The following KLHL22 variants were observed in gnomAD, a reference collection of about 807,000 sequenced individuals.
The protein encoded by KLHL22 is kelch like family member 22, also known as kelch-like protein 22.
A neutral mutation model predicts 60.7 loss-of-function variants in KLHL22; 18 were observed. That is an observed-to-expected ratio of 0.30 (90% CI 0.20 to 0.44). The LOEUF is 0.44. KLHL22 is among the 20% of genes least tolerant of loss of function. KLHL22 has a pLI of 1.00. For missense variants in KLHL22, 596 were observed against 852.3 expected, an observed-to-expected ratio of 0.70 and a Z score of 3.74; for synonymous variants, 355 against 354.5, an observed-to-expected ratio of 1.00 and a Z score of -0.01.
At chr22:20,472,212 A>G (rs1202217695) in intron 2 of KLHL22, among the ~76,000 whole-genome samples, 1 of 152,196 alleles carries the variant, frequency 6.6e-6, no homozygotes, top group African/African-American at 2.4e-5. Context: ...GCACCACTGC[A>G]CTCCAGCCTG....
intron 2 of KLHL22, among the ~76,000 whole-genome samples, chr22:20,479,593 G>T (rs1466283788): frequency 1.3e-5 from 2 of 152,060 alleles, no homozygotes. Context: ...TATAGTCCCA[G>T]CTACTTGGGA....
chr22:20,459,208 G>A (rs1180812731), intron 4 of KLHL22, among the ~76,000 whole-genome samples: 1 of 152,228 alleles, frequency 6.6e-6, no homozygotes, highest in Non-Finnish European at 1.5e-5. Context: ...AAGAGAACAA[G>A]TCTAACTTCA....
In KLHL22 at chr22:20,492,016, A is replaced by C. The variant is rs190229911; in HGVS notation, c.-33-2772T>G. ...TCACTTAGGATTCTCTTGCCTGGAA[A>C]CTCTGCTCTATGATAATTCTCCCTT... is the stretch of plus-strand genomic sequence containing the variant. On this transcript the variant is annotated intron_variant, in intron 1 of 6. Transcript: ENST00000328879. The C allele has an allele frequency of 3.0e-3, 452 of 151,924 alleles. 1 individual carries two copies. Among genetic ancestry groups the C allele is most frequent in the African/African-American group, 0.01 (422 of 41,388 alleles). 9.4% of individuals were successfully genotyped at this position (151,924 alleles called of 1,614,324 possible). A position where few individuals can be genotyped will look rare whatever the true frequency, so the allele number is the denominator to read the frequency against.
chr22:20,487,512 G>A (rs1019994992), intron 2 of KLHL22, among the ~76,000 whole-genome samples: 88 of 151,920 alleles, frequency 5.8e-4, no homozygotes, highest in African/African-American at 2.1e-3. Flanking sequence ...GTGAGCCACC[G>A]TGACTGGCCT....
At chr22:20,477,441 C>T (rs1031756903) in intron 2 of KLHL22, among the ~76,000 whole-genome samples, 1 of 151,840 alleles carries the variant, frequency 6.6e-6, no homozygotes, top group African/African-American at 2.4e-5. Flanking sequence ...AGAAAGACCC[C>T]ATCTCTTAAA....
chr22:20,465,992 G>A lies in KLHL22; in HGVS notation c.394-416C>T, dbSNP rs547750477. Among the ~76,000 whole-genome samples, 44 of 152,068 alleles carry A rather than the reference G, an allele frequency of 2.9e-4. No individual in the cohort carries two copies. The South Asian group carries it at 8.5e-3, about 29-fold the overall frequency. ...GCCTCAGTCTCCTCATCTATAAAAC[G>A]GGGATCATTAAAGTGAAGAGGAACA... On this transcript the variant is annotated intron_variant, in intron 3 of 6. Transcript: ENST00000328879. The surrounding 1 kb of genome is among the most constrained non-coding windows in gnomAD (Gnocchi z 4.9).
intron 5 of KLHL22, chr22:20,451,179 T>C: frequency 6.3e-7 from 1 of 1,593,260 alleles, no homozygotes; most frequent in Non-Finnish European, 8.6e-7. Context: ...ACACAGCAGA[T>C]GAGGATGGGG....
intron 2 of KLHL22, among the ~76,000 whole-genome samples, chr22:20,481,749 GT>G (rs1028268625): frequency 6.6e-5 from 10 of 151,958 alleles, no homozygotes; most frequent in African/African-American, 2.2e-4. Flanking sequence ...GACTACAGGT[GT>G]GTGCCACTGT....
At chr22:20,470,571 C>T (rs557784177) in intron 3 of KLHL22, among the ~76,000 whole-genome samples, 2 of 152,242 alleles carry the variant, frequency 1.3e-5, no homozygotes, top group African/African-American at 4.8e-5. Context: ...ATTGCTGGAG[C>T]CCAGGAGGTT....
chr22:20,443,109 A>G (rs1226156019), intron 6 of KLHL22, among the ~76,000 whole-genome samples: 3 of 152,158 alleles, frequency 2.0e-5, no homozygotes, highest in Non-Finnish European at 2.9e-5. Flanking sequence ...ACAAAACCCA[A>G]TGCTGTTGAG....
chr22:20,443,555 A>G (rs1465377870), intron 6 of KLHL22, among the ~76,000 whole-genome samples: 3 of 152,018 alleles, frequency 2.0e-5, no homozygotes, highest in Non-Finnish European at 4.4e-5. Flanking sequence ...CCTGGCCAAC[A>G]TGGTGAAACC....
At chr22:20,472,935 C>G (rs2053351631) in intron 2 of KLHL22, among the ~76,000 whole-genome samples, 1 of 152,026 alleles carries the variant, frequency 6.6e-6, no homozygotes, top group South Asian at 2.1e-4. Context: ...TGTACAAGTT[C>G]TGGGGCAAGG....
chr22:20,467,053 G>C (rs1454549386), intron 3 of KLHL22, among the ~76,000 whole-genome samples: 2 of 152,250 alleles, frequency 1.3e-5, no homozygotes, highest in Non-Finnish European at 2.9e-5. Flanking sequence ...ACCAGGTGTT[G>C]ATAAATTATT....
At chr22:20,461,356 A>C (rs2053151788) in intron 4 of KLHL22, among the ~76,000 whole-genome samples, 1 of 151,860 alleles carries the variant, frequency 6.6e-6, no homozygotes, top group Admixed American at 6.6e-5. Context: ...GATCAAGACC[A>C]TCCTGGCTAA....
At chr22:20,445,034 C>G (rs1414620408) in intron 6 of KLHL22, among the ~76,000 whole-genome samples, 1 of 152,034 alleles carries the variant, frequency 6.6e-6, no homozygotes, top group African/African-American at 2.4e-5. Context: ...ATCCACCTGC[C>G]TTGGCTTCCC....
At chr22:20,471,300 G>A (rs1330237538) in intron 3 of KLHL22, 50 bp downstream of exon 3, 6 of 1,578,896 alleles carry the variant, frequency 3.8e-6, no homozygotes, top group Non-Finnish European at 5.2e-6. Flanking sequence ...GGCATCTCAG[G>A]GAACCCCACC....
intron 3 of KLHL22, among the ~76,000 whole-genome samples, chr22:20,467,088 C>T (rs1422986165): frequency 2.0e-5 from 3 of 152,252 alleles, no homozygotes; most frequent in African/African-American, 7.2e-5. Flanking sequence ...TTTAGAGTTT[C>T]AGTGGGGCCC....
At chr22:20,470,187 T>A (rs1377850405) in intron 3 of KLHL22, among the ~76,000 whole-genome samples, 2 of 147,906 alleles carry the variant, frequency 1.4e-5, no homozygotes, top group Admixed American at 6.8e-5. Flanking sequence ...AAAAAATATA[T>A]ATATATATAA....
intron 2 of KLHL22, among the ~76,000 whole-genome samples, chr22:20,474,022 C>T (rs377084082): frequency 1.1e-3 from 170 of 152,208 alleles, no homozygotes; most frequent in African/African-American, 3.7e-3. Context: ...TTTTTTGAGA[C>T]GAAGTCTCAC....
Sources: allele counts gnomAD v4.1 joint callset (sites outside exome capture counted in the v4.1 genomes callset), GRCh38; gene constraint gnomAD v4.1.1; non-coding constraint Gnocchi (gnomAD v3.1); transcripts MANE v1.5; gene names NCBI Gene and HGNC (gene_info 2026-07-23, HGNC 2026-07-21).